Variants in PREPL observed in about 807,000 individuals in gnomAD.
The protein encoded by PREPL is prolyl endopeptidase-like.
Under a neutral mutation model 70.6 loss-of-function variants are expected in PREPL, and 77 were observed. That is an observed-to-expected ratio of 1.09 (90% CI 0.91 to 1.32). The LOEUF is 1.32. PREPL is among the 40% of genes most tolerant of loss of function. PREPL has a pLI of 0.00. For missense variants in PREPL, 1,002 were observed against 778.2 expected (o/e 1.29, Z -3.42); for synonymous variants, 315 against 264.8 (o/e 1.19, Z -1.84).
At chr2:44,344,881 C>T (rs1432867687) in intron 2 of PREPL, among the ~76,000 whole-genome samples, 1 of 152,168 alleles carries the variant, frequency 6.6e-6, no homozygotes, top group Non-Finnish European at 1.5e-5. Flanking sequence ...ACTTCTGCTA[C>T]ATTTTAGAAA....
chr2:44,331,116 T>C (rs1165228904), intron 8 of PREPL, among the ~76,000 whole-genome samples: 2 of 152,134 alleles, frequency 1.3e-5, no homozygotes, highest in Non-Finnish European at 2.9e-5. Flanking sequence ...CTAATATTTT[T>C]GGTTTTTGTA....
rs1376389181 is a variant in PREPL, at chr2:44,318,144, G to C, written c.*3212C>G. The C allele has an allele frequency of 2.3e-6, 1 of 440,414 alleles. No homozygotes were observed. Among genetic ancestry groups the C allele is most frequent in the South Asian group, 1.6e-5 (1 of 63,258 alleles). 27.3% of individuals were successfully genotyped at this position (440,414 alleles called of 1,614,324 possible). A position where few individuals can be genotyped will look rare whatever the true frequency, so the allele number is the denominator to read the frequency against. ...CTTGCTCCGTCACCCATGCTCGAGT[G>C]CAGTGGCGTGATCTCGGCACACTGC... is the stretch of plus-strand genomic sequence containing the variant. On this transcript the variant is annotated 3_prime_UTR_variant, in exon 14 of 14. Transcript: ENST00000409411.
intron 1 of PREPL, chr2:44,356,511 C>G (rs111550320): frequency 2.2e-4 from 33 of 152,422 alleles, no homozygotes; most frequent in African/African-American, 6.8e-4. Context: ...TGCCATTGCA[C>G]TCCGGCCTGG....
In PREPL at chr2:44,326,907, G is replaced by C. The variant is rs763321290; in HGVS notation, c.1284C>G (p.Leu428=). 2.5e-6 allele frequency: 4 copies of C among 1,614,112 alleles called. No individual in the cohort carries two copies. The change falls in exon 10 of 14, where the codon CTC becomes CTG. Residue 428 remains leucine (L), a synonymous_variant. Transcript: ENST00000409411. ...CHVRGGGELG[L]QWHADGRLTK... The stretch of plus-strand genomic sequence containing the variant: ...TTAGGCGGCCATCAGCGTGCCACTG[G>C]AGGCCTAACTCACCACCACCTCTGA...
chr2:44,339,477 G>A lies in PREPL; in HGVS notation c.486-114C>T, dbSNP rs1674985775. 2.9e-6 allele frequency: 4 copies of A among 1,399,154 alleles called. No individual in the cohort carries two copies. In the East Asian group the frequency reaches 7.5e-5, roughly 26 times the overall value. The allele number at this position is 1,399,154 out of a possible 1,614,324, so 86.7% of individuals were successfully genotyped here. On this transcript the variant is annotated intron_variant, in intron 5 of 13. Coordinates refer to ENST00000409411, the MANE Select transcript of PREPL (RefSeq NM_001171613.2). Reference sequence around the variant, plus strand: ...ACATGTTGATTTATAATGCAGATAGGAAATTAAAATAATTCCTTAGTGAAT... The same window carrying A: ...ACATGTTGATTTATAATGCAGATAGAAAATTAAAATAATTCCTTAGTGAAT...
chr2:44,360,710 G>A (rs1677649545), intron 1 of PREPL: 1 of 152,218 alleles, frequency 6.6e-6, no homozygotes, highest in Non-Finnish European at 1.5e-5. Flanking sequence ...TTACCTTCTA[G>A]GGTTGTTGTT....
rs537590108 is a variant in PREPL, at chr2:44,349,096, A to C, written c.-48-2706T>G. Among the ~76,000 whole-genome samples the C allele has an allele frequency of 9.2e-5, 14 of 152,326 alleles. No individual in the cohort carries two copies. In the East Asian group the frequency reaches 2.7e-3, roughly 29 times the overall value. ...CTCCTTCCCACTCCCCAAGTGACCCACCACTAAATCATTTTAACAATGAAA... is the reference window on the plus strand; with the variant it reads ...CTCCTTCCCACTCCCCAAGTGACCCCCCACTAAATCATTTTAACAATGAAA... On this transcript the variant is annotated intron_variant, in intron 1 of 13. Transcript: ENST00000409411.
At chr2:44,355,385 T>C (rs1676916794) in intron 1 of PREPL, among the ~76,000 whole-genome samples, 1 of 152,076 alleles carries the variant, frequency 6.6e-6, no homozygotes, top group Non-Finnish European at 1.5e-5. Context: ...TGTCTCTACT[T>C]AAAATATAAA....
chr2:44,356,361 G>A (rs1677044906), intron 1 of PREPL: 1 of 152,138 alleles, frequency 6.6e-6, no homozygotes, highest in Non-Finnish European at 1.5e-5. Context: ...GACCAACGTG[G>A]TGAAACCCTG....
In PREPL at chr2:44,319,481, T is replaced by A. The variant is rs1672737942; in HGVS notation, c.*1875A>T. ...ATGGTACAACCGTTCAACAGAATAT[T>A]GTCATTAAAAACATTTATGGAGGCT... On this transcript the variant is annotated 3_prime_UTR_variant, in exon 14 of 14. Coordinates refer to ENST00000409411, the MANE Select transcript of PREPL (RefSeq NM_001171613.2). 1 of 151,878 alleles carries A rather than the reference T, an allele frequency of 6.6e-6. No homozygotes were observed. Among genetic ancestry groups the A allele is most frequent in the Admixed American group, 6.6e-5 (1 of 15,236 alleles). 9.4% of individuals were successfully genotyped at this position (151,878 alleles called of 1,614,324 possible).
At chr2:44,345,496 C>T (rs954858011) in intron 2 of PREPL, among the ~76,000 whole-genome samples, 10 of 151,932 alleles carry the variant, frequency 6.6e-5, no homozygotes, top group Admixed American at 1.3e-4. Context: ...GGACTACAGG[C>T]GCCTGCCACC....
In PREPL at chr2:44,318,806, A is replaced by T. The variant is rs1164333477; in HGVS notation, c.*2550T>A. On this transcript the variant is annotated 3_prime_UTR_variant, in exon 14 of 14. Transcript: ENST00000409411. ...AATAGCAGACAAAATATAGTTCAAT[A>T]TGAAAAGCATTATATGAGACAAAGG... 1 of 152,234 alleles carries T rather than the reference A, an allele frequency of 6.6e-6. No individual in the cohort carries two copies. The highest frequency in any genetic ancestry group is 2.4e-5 in the African/African-American group (1 of 41,446). 9.4% of individuals were successfully genotyped at this position (152,234 alleles called of 1,614,324 possible).
intron 8 of PREPL, among the ~76,000 whole-genome samples, chr2:44,329,980 C>T (rs977931542): frequency 5.3e-5 from 8 of 152,154 alleles, no homozygotes; most frequent in Admixed American, 2.6e-4. Flanking sequence ...TTTTCATTCT[C>T]ATTTTGAAAA....
At position 44,342,539 on chromosome 2, in the gene PREPL, G is replaced by C; in HGVS notation, c.363C>G (p.Asp121Glu). ...AGAATAAAACATCTTCATCTTCCTC[G>C]TCCTTTACCCATTCTGAAAGAAAAT... ...PNVSSFEWVK[D>E]EEDEDVLFYT... The change falls in exon 5 of 14, where the codon GAC becomes GAG. Residue 121 changes from aspartate (D) to glutamate (E), a missense_variant. Coordinates refer to ENST00000409411, the MANE Select transcript of PREPL (RefSeq NM_001171613.2). 1 of 1,595,086 alleles carries C rather than the reference G, an allele frequency of 6.3e-7. No homozygotes were observed. Among genetic ancestry groups the C allele is most frequent in the Non-Finnish European group, 8.5e-7 (1 of 1,171,234 alleles).
intron 12 of PREPL, among the ~76,000 whole-genome samples, chr2:44,322,263 G>T (rs980021328): frequency 2.0e-5 from 3 of 152,116 alleles, no homozygotes; most frequent in African/African-American, 7.2e-5. Flanking sequence ...GACTGATATG[G>T]CATGTAGTTT....
intron 8 of PREPL, among the ~76,000 whole-genome samples, chr2:44,331,602 T>C (rs1346687485): frequency 6.6e-6 from 1 of 152,164 alleles, no homozygotes; most frequent in East Asian, 1.9e-4. Context: ...CTCTTAATCA[T>C]CCTAGTGGTC....
At chr2:44,328,091 G>C (rs1055545677) in intron 9 of PREPL, among the ~76,000 whole-genome samples, 2 of 151,584 alleles carry the variant, frequency 1.3e-5, no homozygotes, top group Non-Finnish European at 2.9e-5. Flanking sequence ...TTCGAGACCA[G>C]CCTGGCCAAC....
At chr2:44,358,605 G>A (rs1343776944) in intron 1 of PREPL, among the ~76,000 whole-genome samples, 2 of 152,158 alleles carry the variant, frequency 1.3e-5, no homozygotes, top group East Asian at 3.9e-4. Context: ...CTTTTGAGAG[G>A]AAAGGGGACA....
Position 44,323,311 on chromosome 2 carries a change from T to G in PREPL, c.1580A>C (p.His527Pro), listed in dbSNP as rs1196447338. 6.2e-7 allele frequency: 1 copy of G among 1,608,914 alleles called. No homozygotes were observed. The highest frequency in any genetic ancestry group is 8.5e-7 in the Non-Finnish European group (1 of 1,175,728). The change falls in exon 11 of 14, where the codon CAC becomes CCC. Residue 527 changes from histidine to proline, a missense_variant. Physicochemically the swap from His to Pro is moderately conservative, Grantham distance 77 (BLOSUM62 -2). Coordinates refer to ENST00000409411, the MANE Select transcript of PREPL (RefSeq NM_001171613.2). Reference protein sequence around the residue: ...EWGNPSSDEKHKNYIKRYCPY... With the variant: ...EWGNPSSDEKPKNYIKRYCPY... ...ACAGTAACGTTTTATGTAGTTCTTG[T>G]GTTTTTCATCAGATGAAGGATTCCC...
Sources: gnomAD v4.1 joint callset for allele counts (sites outside exome capture counted in the v4.1 genomes callset) on GRCh38, gnomAD v4.1.1 for gene constraint, MANE v1.5 for transcripts, NCBI Gene and HGNC (gene_info 2026-07-23, HGNC 2026-07-21) for gene names.